CEP170B: variants seen among roughly 807,000 people sequenced by gnomAD.
CEP170B encodes the protein centrosomal protein of 170 kDa protein B.
CEP170B carries 55 observed loss-of-function variants against 120.6 expected under a neutral mutation model. The observed-to-expected ratio is 0.46, with a 90% confidence interval of 0.37 to 0.57. The LOEUF (loss-of-function observed/expected upper bound fraction) is 0.57. Among genes scored for constraint, CEP170B ranks in the 20% least tolerant of loss-of-function variants. CEP170B has a pLI of 0.00. For synonymous variants in CEP170B, 1,033 were observed against 954.5 expected, an observed-to-expected ratio of 1.08 and a Z score of -1.52; for missense variants, 2,212 against 2,253.3, an observed-to-expected ratio of 0.98 and a Z score of 0.37.
rs1022781613 is a variant in CEP170B, at chr14:104,895,555, G to C, written c.*597G>C. 1.3e-5 allele frequency: 2 copies of C among 152,740 alleles called. No individual in the cohort carries two copies. The highest frequency in any genetic ancestry group is 2.9e-5 in the Non-Finnish European group (2 of 68,202). The allele number at this position is 152,740 out of a possible 1,614,324, so 9.5% of individuals were successfully genotyped here. ...GGAGCCCCACTGCTTCCAGCCTCTG[G>C]TGCCAACACAGTTGCCAAACCCATT... On this transcript the variant is annotated 3_prime_UTR_variant, in exon 19 of 19. Coordinates refer to ENST00000414716, the MANE Select transcript of CEP170B (RefSeq NM_001112726.3).
rs376322942 is a variant in CEP170B at position 104,882,795 on chromosome 14, G to A, written c.540G>A (p.Thr180=). The change falls in exon 7 of 19, where the codon ACG becomes ACA. Residue 180 remains threonine (T), a synonymous_variant. Transcript: ENST00000414716. ...GGTGGGGTGAGGACGATGGTAGCAC[G>A]CTGCCTGACGCCCAGCGCCAGGGAG... ...PSWWGEDDGS[T]LPDAQRQGEP... 45 of 1,612,306 alleles carry A rather than the reference G, an allele frequency of 2.8e-5. No homozygotes were observed. The African/African-American group carries it at 4.3e-4, about 15-fold the overall frequency.
intron 3 of CEP170B, among the ~76,000 whole-genome samples, chr14:104,876,964 C>T (rs750754797): frequency 6.6e-5 from 10 of 152,196 alleles, no homozygotes; most frequent in Non-Finnish European, 1.0e-4. Context: ...AGGCTGGAGG[C>T]CCCTCTCTGG....
rs1376277466 is a variant in CEP170B, at chr14:104,882,901, TG to T, written c.577+72del. ...AGGGTGGTGTGTGAAGGGGATGGCC[TG>T]GGCTTGAGGAGCCCACTCCGGGGGA... is the stretch of plus-strand genomic sequence containing the variant. On this transcript the variant is annotated intron_variant, in intron 7 of 18. Transcript: ENST00000414716. 2.9e-5 allele frequency: 45 copies of T among 1,526,166 alleles called. 1 individual carries two copies. The highest frequency in any genetic ancestry group is 8.9e-7 in the Non-Finnish European group (1 of 1,127,424). 94.5% of individuals were successfully genotyped at this position (1,526,166 alleles called of 1,614,324 possible). A position where few individuals can be genotyped will look rare whatever the true frequency, so the allele number is the denominator to read the frequency against.
Position 104,895,185 on chromosome 14 carries a change from A to G in CEP170B, c.*227A>G, listed in dbSNP as rs1327560742. ...CACCCCCACCCCTGCCTCGCCCCCTACAGGCCTCTGGGCCCAGCTCCTGGC... is the reference window on the plus strand; with the variant it reads ...CACCCCCACCCCTGCCTCGCCCCCTGCAGGCCTCTGGGCCCAGCTCCTGGC... On this transcript the variant is annotated 3_prime_UTR_variant, in exon 19 of 19. Transcript: ENST00000414716. 1.6e-5 allele frequency: 8 copies of G among 497,832 alleles called. No homozygotes were observed. The highest frequency in any genetic ancestry group is 2.1e-5 in the Non-Finnish European group (6 of 287,662). 30.8% of individuals were successfully genotyped at this position (497,832 alleles called of 1,614,324 possible).
Position 104,889,776 on chromosome 14 carries a change from A to C in CEP170B, c.3878+18A>C, listed in dbSNP as rs781538662. The C allele has an allele frequency of 3.8e-6, 6 of 1,590,588 alleles. No homozygotes were observed. Among genetic ancestry groups the C allele is most frequent in the Non-Finnish European group, 5.2e-6 (6 of 1,163,554 alleles). ...ATTGCCAGGTGAGTAGCCCATTCAG[A>C]GTAAATCCACTGGGTGCCAGTGCGT... On this transcript the variant is annotated intron_variant, in intron 13 of 18. Coordinates refer to ENST00000414716, the MANE Select transcript of CEP170B (RefSeq NM_001112726.3).
chr14:104,884,006 C>T lies in CEP170B; in HGVS notation c.1227C>T (p.Phe409=), dbSNP rs751471747. Residue 409 remains phenylalanine (F), a synonymous_variant, in exon 9 of 19, where the codon TTC becomes TTT. Coordinates refer to ENST00000414716, the MANE Select transcript of CEP170B (RefSeq NM_001112726.3). ...HNQQAFVIEF[F]DEDTPRKKRS... ...AGCAGGCCTTTGTCATCGAGTTCTT[C>T]GACGAGGACACACCCCGAAAGAAGC... 58 of 1,610,862 alleles carry T rather than the reference C, an allele frequency of 3.6e-5. 2 individuals are homozygous for T. In the African/African-American group the frequency reaches 4.0e-4, roughly 11 times the overall value.
At chr14:104,885,638 A>G (rs1386638260) in intron 10 of CEP170B, 96 bp downstream of exon 10, 1 of 1,450,574 alleles carries the variant, frequency 6.9e-7, no homozygotes, top group African/African-American at 1.4e-5. Context: ...ATGGGGCGAG[A>G]CTGGACTTTC....
chr14:104,886,029 C>T lies in CEP170B; in HGVS notation c.1945-11C>T. Reference sequence around the variant, plus strand: ...TTGCGTGTGGAAACACTCCCACCCTCCTCTCCACAGGGCCTCCCGGTGCCG... The same window carrying T: ...TTGCGTGTGGAAACACTCCCACCCTTCTCTCCACAGGGCCTCCCGGTGCCG... On this transcript the variant is annotated splice_polypyrimidine_tract_variant and intron_variant, in intron 10 of 18. Coordinates refer to ENST00000414716, the MANE Select transcript of CEP170B (RefSeq NM_001112726.3). 6.6e-7 allele frequency: 1 copy of T among 1,526,104 alleles called. No individual in the cohort carries two copies. Among genetic ancestry groups the T allele is most frequent in the South Asian group, 1.2e-5 (1 of 82,302 alleles). The allele number at this position is 1,526,104 out of a possible 1,614,324, so 94.5% of individuals were successfully genotyped here. A position where few individuals can be genotyped will look rare whatever the true frequency, so the allele number is the denominator to read the frequency against.
chr14:104,879,683 G>T (rs749703033), intron 5 of CEP170B, among the ~76,000 whole-genome samples: 2 of 152,180 alleles, frequency 1.3e-5, no homozygotes, highest in Non-Finnish European at 2.9e-5. Context: ...GCTGGAGGCC[G>T]ACGGTGGCAG....
Position 104,889,403 on chromosome 14 carries a change from C to T in CEP170B, c.3740-217C>T. Reference sequence around the variant, plus strand: ...CTGGGTGGGGGCACCAGCCTCGACGCTGCCCAGCCCTGCAGCACTGAGCCC... The same window carrying T: ...CTGGGTGGGGGCACCAGCCTCGACGTTGCCCAGCCCTGCAGCACTGAGCCC... On this transcript the variant is annotated intron_variant, in intron 12 of 18. Transcript: ENST00000414716. 4 of 1,243,366 alleles carry T rather than the reference C, an allele frequency of 3.2e-6. No individual in the cohort carries two copies. In the South Asian group the frequency reaches 6.8e-5, roughly 21 times the overall value. 77.0% of individuals were successfully genotyped at this position (1,243,366 alleles called of 1,614,324 possible). A position where few individuals can be genotyped will look rare whatever the true frequency, so the allele number is the denominator to read the frequency against.
chr14:104,872,299 C>T lies in CEP170B; in HGVS notation c.105+3744C>T, dbSNP rs1447416602. Among the ~76,000 whole-genome samples the T allele has an allele frequency of 6.2e-5, 3 of 48,338 alleles. 1 individual carries two copies. Among genetic ancestry groups the T allele is most frequent in the African/African-American group, 1.2e-4 (2 of 16,834 alleles). The allele number at this position is 48,338 out of a possible 152,430, so 31.7% of individuals were successfully genotyped here. On this transcript the variant is annotated intron_variant, in intron 2 of 18. Transcript: ENST00000414716. Reference sequence around the variant, plus strand: ...GCCGTGTGTGTGCCGCGTGTGTGTGCCATGGGTGTGCGTGTGTGCCGTGGG... The same window carrying T: ...GCCGTGTGTGTGCCGCGTGTGTGTGTCATGGGTGTGCGTGTGTGCCGTGGG...
At chr14:104,878,734 G>A (rs1467037941) in intron 5 of CEP170B, among the ~76,000 whole-genome samples, 1 of 152,230 alleles carries the variant, frequency 6.6e-6, no homozygotes, top group Non-Finnish European at 1.5e-5. Flanking sequence ...AGGTGGCGGG[G>A]GCACCGGGAC....
In CEP170B at chr14:104,887,630, C is replaced by G. The variant is rs1262056230; in HGVS notation, c.3391C>G (p.Leu1131Val). 9 of 1,558,096 alleles carry G rather than the reference C, an allele frequency of 5.8e-6. No individual in the cohort carries two copies. Among genetic ancestry groups the G allele is most frequent in the Non-Finnish European group, 7.8e-6 (9 of 1,153,938 alleles). Residue 1131 changes from leucine (L) to valine (V), a missense_variant, in exon 12 of 19, where the codon CTG becomes GTG. Around this residue, in one of 2 missense-constraint regions of CEP170B, gnomAD observed 2,166 missense variants for 2,166.7 expected, o/e 1.00. Transcript: ENST00000414716. ...TRASRLRRAR[L>V]GDASDTEAAD... ...GGCCTCCCGGCTGAGGCGGGCCCGGCTGGGGGACGCTTCAGACACTGAGGC... is the reference window on the plus strand; with the variant it reads ...GGCCTCCCGGCTGAGGCGGGCCCGGGTGGGGGACGCTTCAGACACTGAGGC...
At chr14:104,879,866 G>A (rs78551665) in intron 5 of CEP170B, among the ~76,000 whole-genome samples, 6,504 of 152,244 alleles carry the variant, frequency 0.043, 175 homozygotes, top group African/African-American at 0.076. Flanking sequence ...AGAGCTCCCC[G>A]GGAGCCCTTT....
chr14:104,882,687 G>A lies in CEP170B; in HGVS notation c.473-41G>A. The A allele has an allele frequency of 2.0e-6, 3 of 1,535,272 alleles. No homozygotes were observed. In the South Asian group the frequency reaches 3.5e-5, roughly 18 times the overall value. ...CAGTTCTCTGCTTTTCACACTGGGGGCCCCAGCAACACAGGGTCTGACCTC... is the reference window on the plus strand; with the variant it reads ...CAGTTCTCTGCTTTTCACACTGGGGACCCCAGCAACACAGGGTCTGACCTC... On this transcript the variant is annotated intron_variant, in intron 6 of 18. Coordinates refer to ENST00000414716, the MANE Select transcript of CEP170B (RefSeq NM_001112726.3).
chr14:104,877,809 CA>C, intron 3 of CEP170B, 75 bp from the exon 4 acceptor site: 2 of 646,448 alleles, frequency 3.1e-6, no homozygotes, highest in Non-Finnish European at 2.5e-6. Flanking sequence ...TGCTCAGCCC[CA>C]CCACCCTGCG....
intron 12 of CEP170B, 132 bp downstream of exon 12, chr14:104,888,110 C>A: frequency 9.5e-7 from 1 of 1,049,708 alleles, no homozygotes; most frequent in Non-Finnish European, 1.3e-6. Flanking sequence ...GTTCCCAAAG[C>A]TGGGGTAGAT....
Position 104,895,007 on chromosome 14 carries a change from T to G in CEP170B, c.*49T>G, listed in dbSNP as rs1411609060. 6.8e-7 allele frequency: 1 copy of G among 1,462,046 alleles called. No individual in the cohort carries two copies. Among genetic ancestry groups the G allele is most frequent in the African/African-American group, 1.4e-5 (1 of 70,618 alleles). 90.6% of individuals were successfully genotyped at this position (1,462,046 alleles called of 1,614,324 possible). ...CTCCCTGTGCGTGTGCGTCTCTGCC[T>G]TCCGTCCGCCGCACACCCGCCTGCC... On this transcript the variant is annotated 3_prime_UTR_variant, in exon 19 of 19. Transcript: ENST00000414716.
chr14:104,885,702 C>T (rs922976500), intron 10 of CEP170B, among the ~76,000 whole-genome samples, 160 bp downstream of exon 10: 1 of 152,242 alleles, frequency 6.6e-6, no homozygotes. Context: ...GAGGAGGGAT[C>T]GGGGCCAGGT....
Sources: gnomAD v4.1 joint callset for allele counts (sites outside exome capture counted in the v4.1 genomes callset) on GRCh38, gnomAD v4.1.1 for gene constraint, gnomAD v4.1.1 regional missense constraint, MANE v1.5 for transcripts, NCBI Gene and HGNC (gene_info 2026-07-23, HGNC 2026-07-21) for gene names.